Variants in CHST9 observed in about 807,000 individuals in gnomAD.
CHST9 encodes GalNAc-4-sulfotransferase 2.
Under a neutral mutation model 44.4 loss-of-function variants are expected in CHST9, and 41 were observed. The ratio of observed to expected loss-of-function variants is 0.92; its 90% CI spans 0.72 to 1.20. The LOEUF is 1.20. Among genes scored for constraint, CHST9 ranks in the 50% most tolerant of loss-of-function variants. The pLI is 0.00. For missense variants in CHST9, 504 were observed against 516.5 expected, an observed-to-expected ratio of 0.98 and a Z score of 0.23; for synonymous variants, 171 against 178.4, an observed-to-expected ratio of 0.96 and a Z score of 0.33.
intron 2 of CHST9, among the ~76,000 whole-genome samples, chr18:27,067,997 C>T (rs989508082): frequency 2.0e-5 from 3 of 152,112 alleles, no homozygotes; most frequent in African/African-American, 7.2e-5. Flanking sequence ...TGAAACATTC[C>T]CTTCCTCAAC....
At chr18:27,036,622 A>G (rs910705831) in intron 3 of CHST9, among the ~76,000 whole-genome samples, 5 of 152,118 alleles carry the variant, frequency 3.3e-5, no homozygotes, top group East Asian at 1.9e-4. Context: ...AAAACTTCCT[A>G]CCTGCCTAAG....
intron 2 of CHST9, among the ~76,000 whole-genome samples, chr18:27,081,179 G>GA (rs141621503): frequency 6.6e-6 from 1 of 151,892 alleles, no homozygotes; most frequent in African/African-American, 2.4e-5. Flanking sequence ...CTAACAATTA[G>GA]AAAAAACAGT....
chr18:26,937,163 CTT>C, intron 5 of CHST9, among the ~76,000 whole-genome samples: 1 of 152,284 alleles, frequency 6.6e-6, no homozygotes, highest in South Asian at 2.1e-4. Context: ...CCAATGTATA[CTT>C]TTTTCCCCTC....
chr18:26,907,710 T>G lies in CHST9; in HGVS notation c.*8549A>C, dbSNP rs1213964839. The G allele has an allele frequency of 6.5e-6, 1 of 153,238 alleles. No individual in the cohort carries two copies. The highest frequency in any genetic ancestry group is 1.5e-5 in the Non-Finnish European group (1 of 68,802). The allele number at this position is 153,238 out of a possible 1,614,324, so 9.5% of individuals were successfully genotyped here. On this transcript the variant is annotated 3_prime_UTR_variant, in exon 6 of 6. Transcript: ENST00000618847. ...GAGGTGTTTTCAGAGAATGTAATGG[T>G]TCCATGTGGCTGGATAATAGTGGGT...
intron 2 of CHST9, among the ~76,000 whole-genome samples, chr18:27,115,538 T>C (rs895452472): frequency 6.6e-6 from 1 of 152,142 alleles, no homozygotes; most frequent in African/African-American, 2.4e-5. Context: ...TTTGTTTTTT[T>C]AAATCTCACT....
chr18:26,976,799 G>A (rs531869140), intron 4 of CHST9, among the ~76,000 whole-genome samples: 1 of 152,226 alleles, frequency 6.6e-6, no homozygotes, highest in South Asian at 2.1e-4. Flanking sequence ...CTTTGCTCCT[G>A]AGAAGGCTAT....
intron 5 of CHST9, chr18:26,928,383 A>G (rs1051195165): frequency 2.6e-5 from 4 of 152,198 alleles, no homozygotes; most frequent in Non-Finnish European, 5.9e-5. Context: ...ACAAGAAAGA[A>G]GAAAGTTGTT....
intron 5 of CHST9, among the ~76,000 whole-genome samples, chr18:26,943,266 A>C (rs9807634): frequency 0.1 from 15,865 of 152,250 alleles, 1,735 homozygotes; most frequent in African/African-American, 0.28. Context: ...GCACCTGATT[A>C]AATTTTGGCT....
intron 2 of CHST9, among the ~76,000 whole-genome samples, chr18:27,065,082 T>A (rs1000755003): frequency 6.6e-6 from 1 of 152,222 alleles, no homozygotes; most frequent in African/African-American, 2.4e-5. Context: ...ATAAACATCT[T>A]AATATTTCAT....
intron 2 of CHST9, among the ~76,000 whole-genome samples, chr18:27,073,475 AG>A (rs1381265391): frequency 1.3e-5 from 2 of 152,008 alleles, no homozygotes; most frequent in African/African-American, 4.8e-5. Flanking sequence ...TGAGTAGCCC[AG>A]ACTGTAAAAC....
chr18:27,143,273 T>C (rs2058583522), intron 1 of CHST9, among the ~76,000 whole-genome samples: 1 of 152,184 alleles, frequency 6.6e-6, no homozygotes. Context: ...AAAAACATGC[T>C]TGTAGAATGT....
intron 1 of CHST9, among the ~76,000 whole-genome samples, chr18:27,174,659 G>A (rs1336210390): frequency 6.6e-6 from 1 of 151,932 alleles, no homozygotes; most frequent in African/African-American, 2.4e-5. Flanking sequence ...TTGCAAAAAT[G>A]TGGCTCTACT....
intron 2 of CHST9, among the ~76,000 whole-genome samples, chr18:27,086,251 C>T (rs150678923): frequency 1.2e-3 from 179 of 152,216 alleles, no homozygotes; most frequent in Non-Finnish European, 2.0e-3. Flanking sequence ...ACATGTAACC[C>T]CTGAACCTAA....
At chr18:27,052,304 A>G (rs2057577866) in intron 2 of CHST9, among the ~76,000 whole-genome samples, 2 of 144,020 alleles carry the variant, frequency 1.4e-5, no homozygotes, top group South Asian at 2.2e-4. Context: ...ATATATGTAT[A>G]TATGTGTGTA....
intron 1 of CHST9, among the ~76,000 whole-genome samples, chr18:27,155,621 A>T (rs2058693455): frequency 6.6e-6 from 1 of 152,198 alleles, no homozygotes; most frequent in African/African-American, 2.4e-5. Context: ...CGAATTATTG[A>T]AAACAATTAT....
intron 1 of CHST9, among the ~76,000 whole-genome samples, chr18:27,146,680 C>T (rs2058614888): frequency 6.6e-6 from 1 of 152,166 alleles, no homozygotes; most frequent in Admixed American, 6.5e-5. Context: ...CTAAAAGGTA[C>T]TTAAAAACTT....
intron 1 of CHST9, among the ~76,000 whole-genome samples, chr18:27,152,975 G>A (rs1270788057): frequency 6.6e-6 from 1 of 152,100 alleles, no homozygotes; most frequent in Non-Finnish European, 1.5e-5. Flanking sequence ...AAGAAGTGCT[G>A]AATAAAGCTC....
chr18:26,931,954 T>C (rs1291028747), intron 5 of CHST9, among the ~76,000 whole-genome samples: 1 of 152,174 alleles, frequency 6.6e-6, no homozygotes, highest in Non-Finnish European at 1.5e-5. Context: ...ACCTAACCCA[T>C]GCTTTCCTCT....
At chr18:27,088,053 C>T (rs537089645) in intron 2 of CHST9, among the ~76,000 whole-genome samples, 11 of 152,144 alleles carry the variant, frequency 7.2e-5, no homozygotes, top group Non-Finnish European at 1.2e-4. Flanking sequence ...TCTGTAAGTA[C>T]AATATTACAT....
Sources: allele counts gnomAD v4.1 joint callset (sites outside exome capture counted in the v4.1 genomes callset), GRCh38; gene constraint gnomAD v4.1.1; transcripts MANE v1.5; gene names NCBI Gene and HGNC (gene_info 2026-07-23, HGNC 2026-07-21).